CFAP74: variants seen among roughly 807,000 people sequenced by gnomAD.
CFAP74 encodes the protein cilia- and flagella-associated protein 74.
In CFAP74, 124 loss-of-function variants were observed where a neutral mutation model predicts 188.9. That is an observed-to-expected ratio of 0.66 (90% confidence interval 0.57 to 0.76). CFAP74 has a LOEUF of 0.76. Among genes scored for constraint, CFAP74 ranks in the 30% least tolerant of loss-of-function variants. The probability of loss-of-function intolerance (pLI) is 0.00; values close to 1 mark genes in which losing one functional copy is unlikely to be tolerated. For synonymous variants in CFAP74, 956 were observed against 916.7 expected (o/e 1.04, Z -0.77); for missense variants, 2,198 against 2,165.2 (o/e 1.02, Z -0.30).
rs573394891 is a variant in CFAP74, at chr1:1,945,537, G to T, written c.2364+780C>A. ...GAGAAATGTTTAAACATAGAAAGTTGTCACTTGGGGCTGGGCACGGTGGCT... is the reference window on the plus strand; with the variant it reads ...GAGAAATGTTTAAACATAGAAAGTTTTCACTTGGGGCTGGGCACGGTGGCT... On this transcript the variant is annotated intron_variant, in intron 20 of 38. Coordinates refer to ENST00000682832, the MANE Select transcript of CFAP74 (RefSeq NM_001304360.2). Among the ~76,000 whole-genome samples the T allele has an allele frequency of 9.9e-5, 15 of 152,106 alleles. No individual in the cohort carries two copies. In the East Asian group the frequency reaches 2.9e-3, roughly 30 times the overall value.
Position 1,945,133 on chromosome 1 carries a change from C to T in CFAP74, c.2365-681G>A, listed in dbSNP as rs954458428. Among the ~76,000 whole-genome samples the T allele has an allele frequency of 2.6e-5, 4 of 151,992 alleles. No individual in the cohort carries two copies. The South Asian group carries it at 8.3e-4, about 32-fold the overall frequency. ...CCAGCCTGGGCAGTGTGGTGAGACC[C>T]CCGTCTCTACAAAAAATACAAAACT... On this transcript the variant is annotated intron_variant, in intron 20 of 38. Coordinates refer to ENST00000682832, the MANE Select transcript of CFAP74 (RefSeq NM_001304360.2).
At position 1,935,404 on chromosome 1, in the gene CFAP74, A is replaced by G. The variant is rs1345315248; in HGVS notation, c.3011+3451T>C. On this transcript the variant is annotated intron_variant, in intron 25 of 38. Transcript: ENST00000682832. ...TTAGGTTATAGGTACACACGTCTGT[A>G]TGTGTGGGTGTTAGGTTGTAGGTAC... 9.9e-5 allele frequency among the ~76,000 whole-genome samples: 6 copies of G among 60,594 alleles called. 1 individual carries two copies. Among genetic ancestry groups the G allele is most frequent in the East Asian group, 1.5e-3 (2 of 1,346 alleles). 39.8% of individuals were successfully genotyped at this position (60,594 alleles called of 152,430 possible). A position where few individuals can be genotyped will look rare whatever the true frequency, so the allele number is the denominator to read the frequency against.
At chr1:1,948,867 T>C (rs928394888) in intron 18 of CFAP74, among the ~76,000 whole-genome samples, 4 of 131,692 alleles carry the variant, frequency 3.0e-5, no homozygotes, top group African/African-American at 1.1e-4. Context: ...CATGCAAGAT[T>C]GCTGCAATTC....
At chr1:1,995,074 A>G (rs1024047159) in intron 1 of CFAP74, among the ~76,000 whole-genome samples, 3 of 152,198 alleles carry the variant, frequency 2.0e-5, no homozygotes, top group African/African-American at 4.8e-5. Context: ...TTGGGAACTG[A>G]GAGACCCAGG....
chr1:1,982,371 A>C (rs529537726), intron 6 of CFAP74, among the ~76,000 whole-genome samples: 63 of 152,058 alleles, frequency 4.1e-4, no homozygotes, highest in South Asian at 8.3e-4. Context: ...GGGGACATGC[A>C]GGAGTCCCAG....
intron 12 of CFAP74, among the ~76,000 whole-genome samples, chr1:1,965,692 G>C (rs1330084411): frequency 2.6e-5 from 4 of 152,206 alleles, no homozygotes; most frequent in Non-Finnish European, 4.4e-5. Flanking sequence ...CTTGTCCAGA[G>C]GCAGCCTTCT....
chr1:1,972,893 G>T, intron 8 of CFAP74, 44 bp downstream of exon 8: 1 of 1,213,978 alleles, frequency 8.2e-7, no homozygotes, highest in Non-Finnish European at 1.2e-6. Context: ...CAAGTGACCC[G>T]TATTCTTGGG....
At chr1:1,939,419 C>T (rs756557637) in intron 24 of CFAP74, among the ~76,000 whole-genome samples, 175 bp downstream of exon 24, 3 of 152,102 alleles carry the variant, frequency 2.0e-5, no homozygotes, top group East Asian at 1.9e-4. Flanking sequence ...TTGGGCTGCA[C>T]GCCCAGGGCT....
At chr1:1,965,973 C>T (rs983522213) in intron 12 of CFAP74, among the ~76,000 whole-genome samples, 3 of 152,230 alleles carry the variant, frequency 2.0e-5, no homozygotes, top group Non-Finnish European at 2.9e-5. Context: ...GGGCATGTTT[C>T]TTACAAAAGG....
At position 1,939,615 on chromosome 1, in the gene CFAP74, G is replaced by C. The variant is rs112884195; in HGVS notation, c.2856C>G (p.Phe952Leu). Residue 952 changes from phenylalanine to leucine, a missense_variant, in exon 24 of 39, where the codon TTC becomes TTG. Transcript: ENST00000682832. ...GTACCTTGGGAAGCCTGACGAACCC[G>C]AACTCCTGGGGCAGGAGCGAGTGGT... Reference protein sequence around the residue: ...LHNHSLLPQEFGFVRLPKFVD... With the variant: ...LHNHSLLPQELGFVRLPKFVD... The C allele has an allele frequency of 1.3e-6, 2 of 1,535,784 alleles. No individual in the cohort carries two copies. The highest frequency in any genetic ancestry group is 1.7e-6 in the Non-Finnish European group (2 of 1,146,658).
Position 1,921,969 on chromosome 1 carries a change from A to C in CFAP74, c.*318T>G. The C allele has an allele frequency of 2.9e-6, 1 of 340,200 alleles. No homozygotes were observed. The highest frequency in any genetic ancestry group is 5.5e-6 in the Non-Finnish European group (1 of 183,402). The allele number at this position is 340,200 out of a possible 1,614,324, so 21.1% of individuals were successfully genotyped here. A position where few individuals can be genotyped will look rare whatever the true frequency, so the allele number is the denominator to read the frequency against. On this transcript the variant is annotated 3_prime_UTR_variant, in exon 39 of 39. Transcript: ENST00000682832. The stretch of plus-strand genomic sequence containing the variant: ...TGCAGGCTGCATGTGTTGGCCTACA[A>C]AAAATTTATTGACAGGCTGTGGAGG...
Position 1,974,030 on chromosome 1 carries a change from C to A in CFAP74, c.669G>T (p.Arg223Ser), listed in dbSNP as rs1656268919. The change falls in exon 7 of 39, where the codon AGG (arginine) becomes AGT (serine). Residue 223 changes from arginine to serine, a missense_variant. Coordinates refer to ENST00000682832, the MANE Select transcript of CFAP74 (RefSeq NM_001304360.2). Reference sequence around the variant, plus strand: ...TGGGCCTGGGTGTCGCCTACCTGATCCTCAGCAGTCGGTTCCGCTCCACCT... The same window carrying A: ...TGGGCCTGGGTGTCGCCTACCTGATACTCAGCAGTCGGTTCCGCTCCACCT... ...LGKVERNRLL[R>S]IRKSLNTQKE... 1 of 1,571,766 alleles carries A rather than the reference C, an allele frequency of 6.4e-7. No individual in the cohort carries two copies. The highest frequency in any genetic ancestry group is 1.8e-5 in the Admixed American group (1 of 56,096).
chr1:1,987,451 G>A (rs1331150217), intron 4 of CFAP74, among the ~76,000 whole-genome samples: 1 of 152,150 alleles, frequency 6.6e-6, no homozygotes, highest in Non-Finnish European at 1.5e-5. Context: ...GGCATGGGCC[G>A]GGACAGAATC....
At chr1:1,957,602 C>T (rs1012269422) in intron 16 of CFAP74, among the ~76,000 whole-genome samples, 3 of 152,238 alleles carry the variant, frequency 2.0e-5, no homozygotes, top group African/African-American at 7.2e-5. Context: ...GCACTTGACA[C>T]TGCAAAGACC....
intron 21 of CFAP74, among the ~76,000 whole-genome samples, 176 bp downstream of exon 21, chr1:1,944,155 C>T (rs963712595): frequency 3.9e-5 from 6 of 152,128 alleles, no homozygotes; most frequent in East Asian, 1.9e-4. Flanking sequence ...GTGCCATGTC[C>T]CCGCTGGCCA....
chr1:1,929,914 C>A, intron 26 of CFAP74, 146 bp downstream of exon 26: 1 of 945,240 alleles, frequency 1.1e-6, no homozygotes, highest in Non-Finnish European at 1.5e-6. Flanking sequence ...CGGCCCTGCT[C>A]GGGTCTGAGG....
At position 1,975,533 on chromosome 1, in the gene CFAP74, T is replaced by C. The variant is rs1656383212; in HGVS notation, c.501-1335A>G. Reference sequence around the variant, plus strand: ...CGCCCACTTGGTTTTGGCATCGAGGTTGTGTCACTGCATTTTAGAAACTGG... The same window carrying C: ...CGCCCACTTGGTTTTGGCATCGAGGCTGTGTCACTGCATTTTAGAAACTGG... On this transcript the variant is annotated intron_variant, in intron 6 of 38. Transcript: ENST00000682832. This position sits in a 1 kb window ranked among gnomAD's most constrained non-coding sequence, Gnocchi z 4.5. 6.6e-6 allele frequency among the ~76,000 whole-genome samples: 1 copy of C among 152,098 alleles called. No homozygotes were observed. Among genetic ancestry groups the C allele is most frequent in the African/African-American group, 2.4e-5 (1 of 41,416 alleles).
intron 25 of CFAP74, 25 bp from the exon 26 acceptor site, chr1:1,930,361 C>A (rs906675395): frequency 6.7e-7 from 1 of 1,500,824 alleles, no homozygotes; most frequent in Admixed American, 2.0e-5. Flanking sequence ...ATGGGAGGCC[C>A]TCAGCCGTGC....
At chr1:1,962,194 T>C (rs1444039469) in intron 14 of CFAP74, among the ~76,000 whole-genome samples, 1 of 152,138 alleles carries the variant, frequency 6.6e-6, no homozygotes, top group East Asian at 1.9e-4. Flanking sequence ...TAAGTTAGGC[T>C]GGGTGCTGTG....
Sources: gnomAD v4.1 joint callset for allele counts (sites outside exome capture counted in the v4.1 genomes callset) on GRCh38, gnomAD v4.1.1 for gene constraint, Gnocchi (gnomAD v3.1) non-coding constraint, MANE v1.5 for transcripts, NCBI Gene and HGNC (gene_info 2026-07-23, HGNC 2026-07-21) for gene names.